The following KCTD7 variants were observed in gnomAD, a reference collection of about 807,000 sequenced individuals.
KCTD7 encodes the protein BTB/POZ domain-containing protein KCTD7.
Under a neutral mutation model 27.0 loss-of-function variants are expected in KCTD7, and 15 were observed. The observed-to-expected ratio is 0.56, with a 90% confidence interval of 0.37 to 0.86. The LOEUF is 0.86. Among genes scored for constraint, KCTD7 ranks in the 40% least tolerant of loss-of-function variants. The pLI, the probability that KCTD7 is intolerant of heterozygous loss-of-function variation, is 0.00. For synonymous variants in KCTD7, 159 were observed against 162.7 expected (o/e 0.98, Z 0.17); for missense variants, 299 against 398.9 (o/e 0.75, Z 2.13).
Position 66,640,102 on chromosome 7 carries a change from T to A in KCTD7, c.*870T>A. The A allele has an allele frequency of 7.6e-7, 1 of 1,322,788 alleles. No individual in the cohort carries two copies. Among genetic ancestry groups the A allele is most frequent in the Non-Finnish European group, 9.6e-7 (1 of 1,042,586 alleles). 81.9% of individuals were successfully genotyped at this position (1,322,788 alleles called of 1,614,324 possible). A position where few individuals can be genotyped will look rare whatever the true frequency, so the allele number is the denominator to read the frequency against. ...TAGAGGCTCAGAACACCTCCTTGGC[T>A]GCTATCTCATGTGTTAGAATCCAGT... is the stretch of plus-strand genomic sequence containing the variant. On this transcript the variant is annotated 3_prime_UTR_variant, in exon 4 of 4. Coordinates refer to ENST00000639828, the MANE Select transcript of KCTD7 (RefSeq NM_153033.5).
chr7:66,641,365 C>T lies in KCTD7; in HGVS notation c.*2133C>T. On this transcript the variant is annotated 3_prime_UTR_variant, in exon 4 of 4. Coordinates refer to ENST00000639828, the MANE Select transcript of KCTD7 (RefSeq NM_153033.5). Reference sequence around the variant, plus strand: ...GTGAACAGAGAGCAGTTCATTAAGCCCATTGCTTTCAGTAATGTGGCCTTG... The same window carrying T: ...GTGAACAGAGAGCAGTTCATTAAGCTCATTGCTTTCAGTAATGTGGCCTTG... The T allele has an allele frequency of 1.0e-6, 1 of 985,388 alleles. No individual in the cohort carries two copies. The highest frequency in any genetic ancestry group is 1.2e-6 in the Non-Finnish European group (1 of 829,948). 61.0% of individuals were successfully genotyped at this position (985,388 alleles called of 1,614,324 possible). A position where few individuals can be genotyped will look rare whatever the true frequency, so the allele number is the denominator to read the frequency against.
rs557869589 is a variant in KCTD7 at position 66,641,228 on chromosome 7, T to C, written c.*1996T>C. 112 of 985,312 alleles carry C rather than the reference T, an allele frequency of 1.1e-4. No homozygotes were observed. The highest frequency in any genetic ancestry group is 1.3e-4 in the Non-Finnish European group (105 of 829,948). 61.0% of individuals were successfully genotyped at this position (985,312 alleles called of 1,614,324 possible). A position where few individuals can be genotyped will look rare whatever the true frequency, so the allele number is the denominator to read the frequency against. On this transcript the variant is annotated 3_prime_UTR_variant, in exon 4 of 4. Transcript: ENST00000639828. ...GGAGGTTAGCCCCAAAACATGGCTC[T>C]TGTATTGTTCTAAGAGAAAAGGCTT... is the stretch of plus-strand genomic sequence containing the variant.
intron 2 of KCTD7, among the ~76,000 whole-genome samples, chr7:66,635,115 C>T (rs1433204631): frequency 6.6e-6 from 1 of 150,762 alleles, no homozygotes; most frequent in African/African-American, 2.4e-5. Context: ...CAGGTGCAAG[C>T]AATTTTGCTG....
intron 2 of KCTD7, among the ~76,000 whole-genome samples, chr7:66,636,514 G>GT (rs1323674446): frequency 1.3e-5 from 2 of 151,846 alleles, no homozygotes; most frequent in Non-Finnish European, 2.9e-5. Flanking sequence ...AGCTGGTGTT[G>GT]TATTAGGTCA....
rs770934416 is a variant in KCTD7, at chr7:66,633,343, C to A, written c.213C>A (p.Cys71Ter). The change falls in exon 2 of 4, where the codon TGC becomes TGA. Residue 71 changes from cysteine (C) to a stop codon, truncating the protein, a stop_gained. Coordinates refer to ENST00000639828, the MANE Select transcript of KCTD7 (RefSeq NM_153033.5). LOFTEE classifies it high-confidence loss of function. ...HFTTRLSTLRCYEDTMLAAMF... is the reference protein window; with the variant it reads ...HFTTRLSTLR ...CTACACGCCTGTCCACACTGCGGTG[C>A]TACGAAGACACCATGTTGGCAGCCA... The A allele has an allele frequency of 1.2e-6, 2 of 1,613,906 alleles. No individual in the cohort carries two copies. The highest frequency in any genetic ancestry group is 1.7e-6 in the Non-Finnish European group (2 of 1,179,848).
Position 66,628,972 on chromosome 7 carries a change from C to G in KCTD7, c.-93C>G. ...CCCCTCCGGCCAGCCCGCAGCCGGC[C>G]GCGTCATGCCAGGCGCTGCTCGGCG... On this transcript the variant is annotated 5_prime_UTR_variant, in exon 1 of 4. Transcript: ENST00000639828. 1 of 1,311,732 alleles carries G rather than the reference C, an allele frequency of 7.6e-7. No homozygotes were observed. The highest frequency in any genetic ancestry group is 1.0e-6 in the Non-Finnish European group (1 of 995,068). The allele number at this position is 1,311,732 out of a possible 1,614,324, so 81.3% of individuals were successfully genotyped here.
chr7:66,635,762 G>A (rs535858138), intron 2 of KCTD7, among the ~76,000 whole-genome samples: 17 of 149,636 alleles, frequency 1.1e-4, no homozygotes, highest in Middle Eastern at 3.4e-3. Context: ...CCAATGCTGA[G>A]AAAACAAAGT....
chr7:66,632,043 C>G (rs1786455983), intron 1 of KCTD7, among the ~76,000 whole-genome samples: 1 of 152,142 alleles, frequency 6.6e-6, no homozygotes, highest in African/African-American at 2.4e-5. Context: ...ACGGTGAAGG[C>G]ACAGTCGAAG....
rs1019569546 is a variant in KCTD7, at chr7:66,641,848, C to G, written c.*2616C>G. The G allele has an allele frequency of 3.0e-6, 3 of 985,408 alleles. No individual in the cohort carries two copies. Among genetic ancestry groups the G allele is most frequent in the Non-Finnish European group, 3.6e-6 (3 of 829,948 alleles). The allele number at this position is 985,408 out of a possible 1,614,324, so 61.0% of individuals were successfully genotyped here. Reference sequence around the variant, plus strand: ...TTATCCCTGTGGAAGTGACTTTTCCCCATTTGATCCCTTTTCAACTCTAAA... The same window carrying G: ...TTATCCCTGTGGAAGTGACTTTTCCGCATTTGATCCCTTTTCAACTCTAAA... On this transcript the variant is annotated 3_prime_UTR_variant, in exon 4 of 4. Transcript: ENST00000639828.
rs1786744318 is a variant in KCTD7, at chr7:66,642,533, A to G, written c.*3301A>G. 1 of 985,472 alleles carries G rather than the reference A, an allele frequency of 1.0e-6. No homozygotes were observed. The highest frequency in any genetic ancestry group is 1.2e-6 in the Non-Finnish European group (1 of 829,938). The allele number at this position is 985,472 out of a possible 1,614,324, so 61.0% of individuals were successfully genotyped here. A position where few individuals can be genotyped will look rare whatever the true frequency, so the allele number is the denominator to read the frequency against. On this transcript the variant is annotated 3_prime_UTR_variant, in exon 4 of 4. Coordinates refer to ENST00000639828, the MANE Select transcript of KCTD7 (RefSeq NM_153033.5). ...CTTGAACAGGTTAAAGCAAACAGCA[A>G]TAACAAAACAAAAACTACTGATGCT... is the stretch of plus-strand genomic sequence containing the variant.
chr7:66,632,801 T>C (rs1419470078), intron 1 of KCTD7, among the ~76,000 whole-genome samples: 1 of 151,188 alleles, frequency 6.6e-6, no homozygotes, highest in Non-Finnish European at 1.5e-5. Context: ...CCCAGCACTT[T>C]GGGAGGCCGA....
chr7:66,643,044 A>G lies in KCTD7; in HGVS notation c.*3812A>G, dbSNP rs1429643012. ...TCCAAGGGCATTAAAGTCAAGAACT[A>G]GAACCTGGGTGCTGTGCCTTTCTTT... On this transcript the variant is annotated 3_prime_UTR_variant, in exon 4 of 4. Transcript: ENST00000639828. 9.1e-6 allele frequency: 9 copies of G among 985,350 alleles called. No homozygotes were observed. The African/African-American group carries it at 1.2e-4, about 13-fold the overall frequency. 61.0% of individuals were successfully genotyped at this position (985,350 alleles called of 1,614,324 possible). A position where few individuals can be genotyped will look rare whatever the true frequency, so the allele number is the denominator to read the frequency against.
intron 1 of KCTD7, among the ~76,000 whole-genome samples, chr7:66,631,239 G>T (rs1312452089): frequency 6.6e-6 from 1 of 152,172 alleles, no homozygotes; most frequent in Non-Finnish European, 1.5e-5. Context: ...TGAAAGCTGG[G>T]AAAGGTACTG....
At chr7:66,638,145 G>A (rs983731255) in intron 2 of KCTD7, 108 bp from the exon 3 acceptor site, 5 of 1,153,146 alleles carry the variant, frequency 4.3e-6, no homozygotes, top group Non-Finnish European at 6.6e-6. Context: ...CATTTACCCA[G>A]TGTAACACAG....
chr7:66,633,895 G>A (rs887449372), intron 2 of KCTD7, among the ~76,000 whole-genome samples: 3 of 151,968 alleles, frequency 2.0e-5, no homozygotes, highest in East Asian at 1.9e-4. Context: ...AGCTGAGGTC[G>A]AAGAATCGCT....
intron 2 of KCTD7, 40 bp from the exon 3 acceptor site, chr7:66,638,213 A>T (rs780330313): frequency 1.2e-6 from 2 of 1,602,858 alleles, no homozygotes; most frequent in Non-Finnish European, 1.7e-6. Context: ...GCCCAGGAGC[A>T]TAAGCTCCTT....
intron 1 of KCTD7, among the ~76,000 whole-genome samples, 161 bp downstream of exon 1, chr7:66,629,369 T>C (rs149409999): frequency 1.5e-4 from 9 of 59,080 alleles, no homozygotes; most frequent in South Asian, 4.9e-4. Flanking sequence ...CCCGCCCACC[T>C]GCACCCCTAC....
At position 66,640,518 on chromosome 7, in the gene KCTD7, G is replaced by T; in HGVS notation, c.*1286G>T. The T allele has an allele frequency of 6.6e-7, 1 of 1,510,906 alleles. No individual in the cohort carries two copies. Among genetic ancestry groups the T allele is most frequent in the South Asian group, 1.3e-5 (1 of 79,442 alleles). 93.6% of individuals were successfully genotyped at this position (1,510,906 alleles called of 1,614,324 possible). A position where few individuals can be genotyped will look rare whatever the true frequency, so the allele number is the denominator to read the frequency against. ...AAAGGAAGAACTGTGTAGCACCATT[G>T]ATCACAATGTAACATTTCCATGCTG... On this transcript the variant is annotated 3_prime_UTR_variant, in exon 4 of 4. Transcript: ENST00000639828.
At chr7:66,634,043 TACACCC>T (rs938839346) in intron 2 of KCTD7, among the ~76,000 whole-genome samples, 7 of 149,820 alleles carry the variant, frequency 4.7e-5, no homozygotes, top group African/African-American at 1.7e-4. Context: ...TATCTCATTA[TACACCC>T]ACACACACAG....
Sources: allele counts gnomAD v4.1 joint callset (sites outside exome capture counted in the v4.1 genomes callset), GRCh38; gene constraint gnomAD v4.1.1; transcripts MANE v1.5; gene names NCBI Gene and HGNC (gene_info 2026-07-23, HGNC 2026-07-21).